GCFC2: variants seen among roughly 807,000 people sequenced by gnomAD.
GCFC2 encodes intron Large complex component GCFC2.
Under a neutral mutation model 99.4 loss-of-function variants are expected in GCFC2, and 102 were observed. That is an observed-to-expected ratio of 1.03 (90% CI 0.87 to 1.21). GCFC2 has a LOEUF of 1.21. GCFC2 is among the 50% of genes most tolerant of loss of function. The pLI, the probability that GCFC2 is intolerant of heterozygous loss-of-function variation, is 0.00. For missense variants in GCFC2, 973 were observed against 920.9 expected, an observed-to-expected ratio of 1.06 and a Z score of -0.73; for synonymous variants, 338 against 316.8, an observed-to-expected ratio of 1.07 and a Z score of -0.71.
intron 1 of GCFC2, among the ~76,000 whole-genome samples, chr2:75,709,246 T>C (rs1435684248): frequency 6.6e-6 from 1 of 152,086 alleles, no homozygotes; most frequent in Non-Finnish European, 1.5e-5. Context: ...CTAAAAGAGG[T>C]CCAATTCCCA....
At position 75,689,036 on chromosome 2, in the gene GCFC2, T is replaced by G. The variant is rs368061721; in HGVS notation, c.1529A>C (p.Asn510Thr). ...PLIRVQLIDW[N>T]PLKLESTGLK... ...GTTAAGCATAAATACCTTAAGAGGA[T>G]TCCAATCAATCAACTGAACTCGTAT... Residue 510 changes from asparagine (N) to threonine (T), a missense_variant, in exon 10 of 17, where the codon AAT (asparagine) becomes ACT (threonine). Physicochemically the swap from Asn to Thr is moderately conservative, Grantham distance 65 (BLOSUM62 0). Transcript: ENST00000321027. The G allele has an allele frequency of 3.3e-6, 5 of 1,535,578 alleles. No individual in the cohort carries two copies. Among genetic ancestry groups the G allele is most frequent in the Non-Finnish European group, 3.6e-6 (4 of 1,118,018 alleles).
At chr2:75,712,742 G>A (rs1304132129), upstream of GCFC2, among the ~76,000 whole-genome samples, 2 of 152,016 alleles carry the variant, frequency 1.3e-5, no homozygotes, top group South Asian at 2.1e-4. Flanking sequence ...CCAGAAGGAA[G>A]AAACTCCAAA....
intron 5 of GCFC2, 39 bp downstream of exon 5, chr2:75,696,161 T>C: frequency 1.3e-6 from 1 of 786,860 alleles, no homozygotes; most frequent in Non-Finnish European, 2.3e-6. Context: ...GTATTAAATA[T>C]CTAGGACAAA....
chr2:75,673,632 TTAAAA>T, intron 12 of GCFC2, 112 bp from the exon 13 acceptor site: 1 of 628,150 alleles, frequency 1.6e-6, no homozygotes. Flanking sequence ...TAACCAGCTG[TTAAAA>T]TAACTATCAA....
At chr2:75,690,897 TA>T in intron 7 of GCFC2, 178 bp from the exon 8 acceptor site, 1 of 492,588 alleles carries the variant, frequency 2.0e-6, no homozygotes, top group Non-Finnish European at 3.6e-6. Context: ...TTTATTGCAA[TA>T]TTAACAGGCA....
chr2:75,684,774 C>T (rs1277314129), intron 11 of GCFC2, among the ~76,000 whole-genome samples: 1 of 152,174 alleles, frequency 6.6e-6, no homozygotes, highest in Non-Finnish European at 1.5e-5. Context: ...TATTGTGGCA[C>T]TATTCACAAT....
At chr2:75,710,344 G>C in intron 1 of GCFC2, 1 of 783,110 alleles carries the variant, frequency 1.3e-6, no homozygotes, top group Non-Finnish European at 1.8e-6. Context: ...TGAAAACGAA[G>C]AGCCTCCCAA....
rs544539173 is a variant in GCFC2 at position 75,710,689 on chromosome 2, C to T, written c.167G>A (p.Gly56Glu). The stretch of plus-strand genomic sequence containing the variant: ...AGGGCCCCGAACCCGGTGGGGCAGT[C>T]CCGCCACCTGCGCGCGGCCTCCTCC... Reference protein sequence around the residue: ...PSGGGRAQVAGLPHRVRGPRG... With the variant: ...PSGGGRAQVAELPHRVRGPRG... The change falls in exon 1 of 17, where the codon GGA (glycine) becomes GAA (glutamate). Residue 56 changes from glycine to glutamate, a missense_variant. By Grantham distance (98) the Gly-to-Glu change is moderately conservative (BLOSUM62 -2). Transcript: ENST00000321027. 5.7e-5 allele frequency: 87 copies of T among 1,527,478 alleles called. No individual in the cohort carries two copies. The African/African-American group carries it at 1.2e-3, about 21-fold the overall frequency. 94.6% of individuals were successfully genotyped at this position (1,527,478 alleles called of 1,614,324 possible). A position where few individuals can be genotyped will look rare whatever the true frequency, so the allele number is the denominator to read the frequency against.
intron 12 of GCFC2, among the ~76,000 whole-genome samples, chr2:75,676,985 T>C (rs1370892957): frequency 6.6e-6 from 1 of 152,222 alleles, no homozygotes; most frequent in East Asian, 1.9e-4. Context: ...AGATATCTAA[T>C]ACTAACAGAC....
intron 12 of GCFC2, among the ~76,000 whole-genome samples, chr2:75,674,023 T>C (rs1238320425): frequency 6.6e-6 from 1 of 152,216 alleles, no homozygotes; most frequent in Non-Finnish European, 1.5e-5. Context: ...TTCTTGTTTT[T>C]TAATGTTTGC....
At position 75,710,721 on chromosome 2, in the gene GCFC2, C is replaced by T; in HGVS notation, c.135G>A (p.Pro45=). 1 of 1,552,172 alleles carries T rather than the reference C, an allele frequency of 6.4e-7. No homozygotes were observed. The highest frequency in any genetic ancestry group is 1.2e-5 in the South Asian group (1 of 84,366). Residue 45 remains proline (P), a synonymous_variant, in exon 1 of 17, where the codon CCG becomes CCA. Transcript: ENST00000321027. Reference sequence around the variant, plus strand: ...CCTGCGCGCGGCCTCCTCCAGAGGGCGGCTCTTCCTCCGCAGAACCCGGGA... The same window carrying T: ...CCTGCGCGCGGCCTCCTCCAGAGGGTGGCTCTTCCTCCGCAGAACCCGGGA... ...LPVPGSAEEE[P]PSGGGRAQVA...
intron 4 of GCFC2, among the ~76,000 whole-genome samples, chr2:75,700,560 T>C (rs923203942): frequency 6.6e-6 from 1 of 152,200 alleles, no homozygotes; most frequent in Admixed American, 6.5e-5. Context: ...ATTTGTATTA[T>C]ACAGAACAGG....
intron 11 of GCFC2, among the ~76,000 whole-genome samples, chr2:75,683,007 T>C (rs1679644325): frequency 6.6e-6 from 1 of 151,776 alleles, no homozygotes; most frequent in African/African-American, 2.4e-5. Flanking sequence ...GGAACCAAGT[T>C]GGAAAACACT....
chr2:75,709,963 G>A (rs191896268), intron 1 of GCFC2, among the ~76,000 whole-genome samples: 105 of 152,312 alleles, frequency 6.9e-4, no homozygotes, highest in African/African-American at 2.4e-3. Context: ...ACTTTATGCT[G>A]CCTTACACCT....
At chr2:75,703,667 T>C (rs1680709453) in intron 2 of GCFC2, among the ~76,000 whole-genome samples, 1 of 152,156 alleles carries the variant, frequency 6.6e-6, no homozygotes, top group Non-Finnish European at 1.5e-5. Flanking sequence ...TTCAAAACCA[T>C]CACAGCAGGT....
chr2:75,667,352 A>G (rs572673033), intron 15 of GCFC2, among the ~76,000 whole-genome samples: 3 of 152,136 alleles, frequency 2.0e-5, no homozygotes, highest in Non-Finnish European at 4.4e-5. Flanking sequence ...TACATTTGGT[A>G]ACATCAAGAT....
At chr2:75,689,912 G>C (rs995577688) in intron 9 of GCFC2, 57 bp downstream of exon 9, 6 of 875,726 alleles carry the variant, frequency 6.9e-6, no homozygotes, top group Non-Finnish European at 1.1e-5. Flanking sequence ...TCCCAGCAAA[G>C]TGTTTCTCAC....
chr2:75,665,873 G>C (rs1387248225), intron 16 of GCFC2, 56 bp downstream of exon 16: 2 of 1,160,526 alleles, frequency 1.7e-6, no homozygotes, highest in African/African-American at 1.6e-5. Flanking sequence ...AAGTTGTTGA[G>C]AGCATACAGA....
intron 4 of GCFC2, among the ~76,000 whole-genome samples, chr2:75,700,184 G>A (rs1280628508): frequency 6.6e-6 from 1 of 152,008 alleles, no homozygotes; most frequent in Non-Finnish European, 1.5e-5. Flanking sequence ...ACCATTTTTA[G>A]CACTTCATCC....
Sources: gnomAD v4.1 joint callset for allele counts (sites outside exome capture counted in the v4.1 genomes callset) on GRCh38, gnomAD v4.1.1 for gene constraint, MANE v1.5 for transcripts, NCBI Gene and HGNC (gene_info 2026-07-23, HGNC 2026-07-21) for gene names.